KCNH7: variants seen among roughly 807,000 people sequenced by gnomAD.
KCNH7 encodes the protein voltage-gated inwardly rectifying potassium channel KCNH7.
Under a neutral mutation model 120.8 loss-of-function variants are expected in KCNH7, and 49 were observed. That is an observed-to-expected ratio of 0.41 (90% CI 0.32 to 0.51). The LOEUF (loss-of-function observed/expected upper bound fraction) is 0.51. Ranked by LOEUF, KCNH7 falls within the 20% of genes least tolerant of loss-of-function variation. The pLI, the probability that KCNH7 is intolerant of heterozygous loss-of-function variation, is 0.38. For missense variants in KCNH7, 1,097 were observed against 1,446.6 expected (o/e 0.76, Z 3.92); for synonymous variants, 547 against 516.1 (o/e 1.06, Z -0.81).
chr2:162,750,086 C>T lies in KCNH7; in HGVS notation c.307+86451G>A, dbSNP rs569594852. Among the ~76,000 whole-genome samples the T allele has an allele frequency of 2.5e-4, 38 of 152,166 alleles. 1 individual carries two copies. The South Asian group carries it at 7.9e-3, about 32-fold the overall frequency. On this transcript the variant is annotated intron_variant, in intron 2 of 15. Coordinates refer to ENST00000332142, the MANE Select transcript of KCNH7 (RefSeq NM_033272.4). ...GACAACTCTGGATTCAACACATTAA[C>T]ATGGAGGAGATAAGGATGAAAACTT...
intron 2 of KCNH7, among the ~76,000 whole-genome samples, chr2:162,697,113 G>C (rs901080179): frequency 6.6e-6 from 1 of 152,034 alleles, no homozygotes; most frequent in African/African-American, 2.4e-5. Flanking sequence ...TATAGGTCTA[G>C]GTATTGAGCA....
intron 2 of KCNH7, among the ~76,000 whole-genome samples, chr2:162,806,719 C>G (rs569346067): frequency 6.6e-6 from 1 of 152,168 alleles, no homozygotes; most frequent in East Asian, 1.9e-4. Flanking sequence ...ATCAGGCATC[C>G]ACACCACTAG....
intron 2 of KCNH7, among the ~76,000 whole-genome samples, chr2:162,649,242 C>T (rs1248861360): frequency 6.6e-6 from 1 of 152,014 alleles, no homozygotes; most frequent in African/African-American, 2.4e-5. Context: ...TAACATGCAC[C>T]AAAACCTTTT....
chr2:162,739,134 C>A (rs1688024792), intron 2 of KCNH7, among the ~76,000 whole-genome samples: 1 of 152,100 alleles, frequency 6.6e-6, no homozygotes, highest in African/African-American at 2.4e-5. Flanking sequence ...CCCCTGTGTG[C>A]CCCATATCTT....
At chr2:162,516,188 G>A (rs982315173) in intron 4 of KCNH7, among the ~76,000 whole-genome samples, 7 of 151,774 alleles carry the variant, frequency 4.6e-5, no homozygotes, top group South Asian at 2.1e-4. Context: ...TGCTGGAGGC[G>A]CTCACAGCAA....
At chr2:162,787,953 C>T (rs1683773786) in intron 2 of KCNH7, among the ~76,000 whole-genome samples, 1 of 152,214 alleles carries the variant, frequency 6.6e-6, no homozygotes, top group Non-Finnish European at 1.5e-5. Context: ...GCCTATCTAC[C>T]TAGACTCTTT....
At chr2:162,457,493 T>C (rs1383577740) in intron 6 of KCNH7, among the ~76,000 whole-genome samples, 2 of 152,204 alleles carry the variant, frequency 1.3e-5, no homozygotes, top group Non-Finnish European at 2.9e-5. Flanking sequence ...CACTGCTATT[T>C]GTTTAACCTC....
At chr2:162,418,876 C>T (rs927959023) in intron 9 of KCNH7, among the ~76,000 whole-genome samples, 1 of 152,084 alleles carries the variant, frequency 6.6e-6, no homozygotes, top group African/African-American at 2.4e-5. Flanking sequence ...TTTTGACTGG[C>T]TTTGTTCATA....
intron 2 of KCNH7, among the ~76,000 whole-genome samples, chr2:162,667,508 A>T (rs994522): frequency 0.33 from 50,088 of 151,764 alleles, 13,423 homozygotes; most frequent in African/African-American, 0.72. Context: ...CCTCTACTCA[A>T]CTCTTCATCT....
At chr2:162,731,146 A>C (rs1687713232) in intron 2 of KCNH7, among the ~76,000 whole-genome samples, 1 of 151,410 alleles carries the variant, frequency 6.6e-6, no homozygotes, top group Non-Finnish European at 1.5e-5. Context: ...ACATGGAAAA[A>C]ATAAAGTAGA....
chr2:162,447,527 T>G (rs1028927958), intron 6 of KCNH7, among the ~76,000 whole-genome samples: 1 of 152,100 alleles, frequency 6.6e-6, no homozygotes, highest in Non-Finnish European at 1.5e-5. Context: ...ATGCTATGAA[T>G]ATCCCACACA....
chr2:162,596,968 A>G (rs1357569705), intron 2 of KCNH7, among the ~76,000 whole-genome samples: 1 of 152,130 alleles, frequency 6.6e-6, no homozygotes, highest in Non-Finnish European at 1.5e-5. Flanking sequence ...TAACACTACT[A>G]TCAGGGAAAT....
intron 2 of KCNH7, among the ~76,000 whole-genome samples, chr2:162,585,190 A>G (rs1216915921): frequency 6.6e-6 from 1 of 151,940 alleles, no homozygotes; most frequent in African/African-American, 2.4e-5. Flanking sequence ...GGGGATTTAA[A>G]AGTGGTTAAT....
intron 2 of KCNH7, among the ~76,000 whole-genome samples, chr2:162,815,152 C>T (rs556227344): frequency 2.1e-4 from 32 of 152,262 alleles, no homozygotes; most frequent in African/African-American, 7.7e-4. Flanking sequence ...GACCACACAT[C>T]TTAATCTAAT....
At chr2:162,685,968 C>G (rs916110724) in intron 2 of KCNH7, among the ~76,000 whole-genome samples, 2 of 151,918 alleles carry the variant, frequency 1.3e-5, no homozygotes, top group African/African-American at 4.8e-5. Context: ...CACCCTAAAA[C>G]GAGAAACAGT....
Position 162,435,354 on chromosome 2 carries a change from T to C in KCNH7, c.1798A>G (p.Asn600Asp). Reference sequence around the variant, plus strand: ...GGTCCAGAACTTGAGTCACTGTCATTGTAACGTTTCCCAATTTGCTGTCCT... The same window carrying C: ...GGTCCAGAACTTGAGTCACTGTCATCGTAACGTTTCCCAATTTGCTGTCCT... ...SLGQQIGKRY[N>D]DSDSSSGPSI... Residue 600 changes from asparagine to aspartate, a missense_variant, in exon 8 of 16, where the codon AAT (asparagine) becomes GAT (aspartate). Coordinates refer to ENST00000332142, the MANE Select transcript of KCNH7 (RefSeq NM_033272.4). 6.2e-7 allele frequency: 1 copy of C among 1,613,920 alleles called. No homozygotes were observed. Among genetic ancestry groups the C allele is most frequent in the Non-Finnish European group, 8.5e-7 (1 of 1,179,888 alleles).
At chr2:162,500,229 T>C (rs1033352487) in intron 6 of KCNH7, among the ~76,000 whole-genome samples, 8 of 148,086 alleles carry the variant, frequency 5.4e-5, no homozygotes, top group African/African-American at 2.0e-4. Context: ...ATATATAATA[T>C]GTATGTTACA....
intron 2 of KCNH7, among the ~76,000 whole-genome samples, chr2:162,692,843 A>C (rs1465877508): frequency 1.3e-5 from 2 of 152,186 alleles, no homozygotes; most frequent in Non-Finnish European, 2.9e-5. Flanking sequence ...AAGCATCATA[A>C]GGTAGCCAAC....
chr2:162,528,645 T>C (rs1691800231), intron 3 of KCNH7, among the ~76,000 whole-genome samples: 1 of 151,984 alleles, frequency 6.6e-6, no homozygotes, highest in African/African-American at 2.4e-5. Flanking sequence ...GTATTATCCA[T>C]GCATAGGGCT....
Sources: gnomAD v4.1 joint callset for allele counts (sites outside exome capture counted in the v4.1 genomes callset) on GRCh38, gnomAD v4.1.1 for gene constraint, MANE v1.5 for transcripts, NCBI Gene and HGNC (gene_info 2026-07-23, HGNC 2026-07-21) for gene names.